ZP3: variants seen among roughly 807,000 people sequenced by gnomAD.
ZP3 encodes the protein zona pellucida sperm-binding protein 3.
Under a neutral mutation model 35.6 loss-of-function variants are expected in ZP3, and 21 were observed. The observed-to-expected ratio is 0.59, with a 90% CI of 0.42 to 0.85. ZP3 has a LOEUF of 0.85. Among genes scored for constraint, ZP3 ranks in the 40% least tolerant of loss-of-function variants. ZP3 has a pLI of 0.00. For missense variants in ZP3, 437 were observed against 536.5 expected (o/e 0.81, Z 1.83); for synonymous variants, 207 against 214.5 (o/e 0.96, Z 0.31).
At chr7:76,408,394 G>C (rs1329981208) in intron 1 of ZP3, among the ~76,000 whole-genome samples, 1 of 152,098 alleles carries the variant, frequency 6.6e-6, no homozygotes, top group African/African-American at 2.4e-5. Flanking sequence ...ATGAGGAGGG[G>C]GAAAGACACA....
chr7:76,425,837 G>A (rs1399531008), intron 1 of ZP3, among the ~76,000 whole-genome samples: 9 of 152,034 alleles, frequency 5.9e-5, no homozygotes, highest in Admixed American at 5.9e-4. Flanking sequence ...CTGGTGTGGT[G>A]GCTCACGCCT....
chr7:76,417,054 T>G (rs1363269386), intron 1 of ZP3, among the ~76,000 whole-genome samples: 1 of 150,776 alleles, frequency 6.6e-6, no homozygotes, highest in Non-Finnish European at 1.5e-5. Context: ...CCTTTCAGTT[T>G]TTGTTTGTTT....
chr7:76,429,426 T>C lies in ZP3; in HGVS notation c.313-89T>C, dbSNP rs149882331. 2,776 of 1,244,766 alleles carry C rather than the reference T, an allele frequency of 2.2e-3. 6 individuals are homozygous for C. The highest frequency in any genetic ancestry group is 3.1e-3 in the Non-Finnish European group (2,653 of 847,174). 77.1% of individuals were successfully genotyped at this position (1,244,766 alleles called of 1,614,324 possible). On this transcript the variant is annotated intron_variant, in intron 1 of 7. Coordinates refer to ENST00000394857, the MANE Select transcript of ZP3 (RefSeq NM_001110354.2). ...ACCCTGTGGTCTTTCTGTCCCCTTG[T>C]GGGCTGCCCTCCCTGAGCACTCAGG... is the stretch of plus-strand genomic sequence containing the variant.
chr7:76,424,048 C>G (rs955379635), upstream of ZP3, among the ~76,000 whole-genome samples: 1 of 152,076 alleles, frequency 6.6e-6, no homozygotes, highest in African/African-American at 2.4e-5. Context: ...AAGGCAGAGA[C>G]CCATGAAATT....
At chr7:76,427,650 C>T (rs954464065) in intron 1 of ZP3, among the ~76,000 whole-genome samples, 4 of 152,108 alleles carry the variant, frequency 2.6e-5, no homozygotes, top group East Asian at 3.9e-4. Flanking sequence ...AGGGGCCCCA[C>T]GAGCTATGCT....
At chr7:76,432,430 C>T (rs112326418) in intron 2 of ZP3, among the ~76,000 whole-genome samples, 10 of 152,034 alleles carry the variant, frequency 6.6e-5, no homozygotes, top group African/African-American at 2.2e-4. Flanking sequence ...ATGATCCGCC[C>T]GCCTCGGCCT....
chr7:76,417,236 T>C (rs1311337659), intron 1 of ZP3, among the ~76,000 whole-genome samples: 1 of 152,000 alleles, frequency 6.6e-6, no homozygotes, highest in Non-Finnish European at 1.5e-5. Flanking sequence ...TTGTTGTATT[T>C]TCAGTAAAGA....
intron 1 of ZP3, among the ~76,000 whole-genome samples, chr7:76,399,520 T>C (rs1217041593): frequency 1.3e-5 from 2 of 152,020 alleles, no homozygotes; most frequent in Admixed American, 1.3e-4. Context: ...ATGGCCAGTG[T>C]GACCCCAATA....
In ZP3 at chr7:76,433,474, C is replaced by T. The variant is rs1417434602; in HGVS notation, c.540C>T (p.Asn180=). ...CCAGCTGACTGTGTCTTTCAGAGAACTGGAACGCTGAGAAGAGGTCCCCCA... is the reference window on the plus strand; with the variant it reads ...CCAGCTGACTGTGTCTTTCAGAGAATTGGAACGCTGAGAAGAGGTCCCCCA... ...LTFSLRLMEE[N]WNAEKRSPTF... The change falls in exon 4 of 8, where the codon AAC becomes AAT. Residue 180 remains asparagine, a synonymous_variant. Coordinates refer to ENST00000394857, the MANE Select transcript of ZP3 (RefSeq NM_001110354.2). 3.1e-6 allele frequency: 5 copies of T among 1,612,066 alleles called. No homozygotes were observed. Among genetic ancestry groups the T allele is most frequent in the Non-Finnish European group, 1.7e-6 (2 of 1,179,074 alleles).
intron 5 of ZP3, among the ~76,000 whole-genome samples, chr7:76,435,754 A>C (rs1805978137): frequency 6.8e-6 from 1 of 148,084 alleles, no homozygotes; most frequent in African/African-American, 2.5e-5. Context: ...TTTTTGAGAC[A>C]GTCTCACTCT....
At chr7:76,436,029 C>CGTT (rs1563703130) in intron 5 of ZP3, among the ~76,000 whole-genome samples, 5 of 128,100 alleles carry the variant, frequency 3.9e-5, no homozygotes, top group Non-Finnish European at 3.3e-5. Context: ...CCCCCCGCCC[C>CGTT]CTTTTTTTTT....
intron 5 of ZP3, among the ~76,000 whole-genome samples, chr7:76,434,929 A>C (rs1166131472): frequency 6.6e-6 from 1 of 151,778 alleles, no homozygotes; most frequent in Admixed American, 6.6e-5. Context: ...TCAAATTGAC[A>C]CTAAGAGGGA....
At chr7:76,440,136 T>C (rs1638132) in intron 5 of ZP3, 114 bp from the exon 6 acceptor site, 696,827 of 1,427,492 alleles carry the variant, frequency 0.49, 169,965 homozygotes, top group South Asian at 0.58. Flanking sequence ...TGTGTGCCAA[T>C]GCACCCGGCC....
chr7:76,425,801 A>C (rs2115885371), intron 1 of ZP3, among the ~76,000 whole-genome samples: 1 of 152,012 alleles, frequency 6.6e-6, no homozygotes, highest in Non-Finnish European at 1.5e-5. Flanking sequence ...CCCATCTCTT[A>C]AGCCTTTAAA....
chr7:76,408,955 C>T (rs1314708615), intron 1 of ZP3, among the ~76,000 whole-genome samples: 5 of 152,208 alleles, frequency 3.3e-5, no homozygotes, highest in Non-Finnish European at 7.3e-5. Flanking sequence ...CAAAGCCTCA[C>T]TGTTCTCATC....
At chr7:76,437,565 A>T (rs1321176827) in intron 5 of ZP3, among the ~76,000 whole-genome samples, 1 of 149,642 alleles carries the variant, frequency 6.7e-6, no homozygotes, top group Non-Finnish European at 1.5e-5. Context: ...AGCTCACTGC[A>T]ACTTCCCATC....
At chr7:76,423,088 G>GAAAGAAAC (rs1805564630), upstream of ZP3, among the ~76,000 whole-genome samples, 1 of 125,274 alleles carries the variant, frequency 8.0e-6, no homozygotes, top group African/African-American at 3.4e-5. Context: ...AGAAAGAAAA[G>GAAAGAAAC]AAATTGACAG....
upstream of ZP3, among the ~76,000 whole-genome samples, chr7:76,422,278 C>A (rs1016133666): frequency 2.6e-5 from 4 of 152,110 alleles, no homozygotes; most frequent in Admixed American, 2.6e-4. Flanking sequence ...TTCTGCCCCG[C>A]CCACCTCCCC....
chr7:76,440,094 G>A (rs1806150424), intron 5 of ZP3, 156 bp from the exon 6 acceptor site: 33 of 1,408,256 alleles, frequency 2.3e-5, no homozygotes, highest in Admixed American at 7.0e-5. Flanking sequence ...TGATCTACCC[G>A]CCTTGGGCTC....
Sources: allele counts gnomAD v4.1 joint callset (sites outside exome capture counted in the v4.1 genomes callset), GRCh38; gene constraint gnomAD v4.1.1; transcripts MANE v1.5; gene names NCBI Gene and HGNC (gene_info 2026-07-23, HGNC 2026-07-21).